TMEM232: variants seen among roughly 807,000 people sequenced by gnomAD.
The protein encoded by TMEM232 is transmembrane protein 232.
TMEM232 carries 80 observed loss-of-function variants against 78.8 expected under a neutral mutation model. That is an observed-to-expected ratio of 1.01 (90% CI 0.85 to 1.22). TMEM232 has a LOEUF of 1.22. Among genes scored for constraint, TMEM232 ranks in the 50% most tolerant of loss-of-function variants. TMEM232 has a pLI of 0.00. For synonymous variants in TMEM232, 297 were observed against 254.3 expected, an observed-to-expected ratio of 1.17 and a Z score of -1.60; for missense variants, 881 against 742.2, an observed-to-expected ratio of 1.19 and a Z score of -2.17.
upstream of TMEM232, among the ~76,000 whole-genome samples, chr5:110,728,964 A>G (rs1007188522): frequency 6.6e-6 from 1 of 151,460 alleles, no homozygotes; most frequent in East Asian, 1.9e-4. Flanking sequence ...AGCTCATTGC[A>G]ACCTCCACCT....
intron 13 of TMEM232, among the ~76,000 whole-genome samples, chr5:110,424,546 T>G (rs1410902740): frequency 3.3e-5 from 5 of 152,162 alleles, no homozygotes; most frequent in African/African-American, 1.2e-4. Context: ...TGTTCAGTGT[T>G]CAATATAAGA....
intron 1 of TMEM232, chr5:110,735,147 A>G (rs1450309863): frequency 6.6e-6 from 1 of 152,240 alleles, no homozygotes; most frequent in African/African-American, 2.4e-5. Context: ...TTTTTATTTT[A>G]TCCTGTGAGC....
chr5:110,548,301 CAG>C (rs1185864290), intron 11 of TMEM232, among the ~76,000 whole-genome samples: 3 of 149,818 alleles, frequency 2.0e-5, no homozygotes, highest in Admixed American at 2.0e-4. Context: ...AAATGCTAAA[CAG>C]AATTGCATAA....
At chr5:110,583,964 A>G (rs1778499425) in intron 10 of TMEM232, among the ~76,000 whole-genome samples, 1 of 134,098 alleles carries the variant, frequency 7.5e-6, no homozygotes, top group Non-Finnish European at 1.6e-5. Flanking sequence ...AATATCTATT[A>G]TCAAAAAAAA....
chr5:110,509,208 C>A (rs1360135737), intron 12 of TMEM232, among the ~76,000 whole-genome samples: 1 of 151,016 alleles, frequency 6.6e-6, no homozygotes, highest in Admixed American at 6.6e-5. Context: ...GGTGGGAGGA[C>A]CAGTTGAGGC....
intron 2 of TMEM232, among the ~76,000 whole-genome samples, chr5:110,401,948 T>G (rs532930673): frequency 1.8e-3 from 267 of 152,204 alleles, no homozygotes; most frequent in African/African-American, 6.0e-3. Context: ...TTCTATTGTT[T>G]CTTTGAGAAC....
chr5:110,415,174 CTA>C (rs1397881148), downstream of TMEM232, among the ~76,000 whole-genome samples: 270 of 129,712 alleles, frequency 2.1e-3, no homozygotes, highest in African/African-American at 0.01. Flanking sequence ...ACCCTTAAAT[CTA>C]TCTTTCTCTC....
intron 13 of TMEM232, among the ~76,000 whole-genome samples, chr5:110,421,108 C>T: frequency 6.6e-6 from 1 of 151,036 alleles, no homozygotes; most frequent in East Asian, 1.9e-4. Flanking sequence ...GAGATGAAAG[C>T]AAAACAGAAA....
chr5:110,391,676 C>A (rs369145981), intron 3 of TMEM232, among the ~76,000 whole-genome samples: 1 of 151,994 alleles, frequency 6.6e-6, no homozygotes, highest in East Asian at 1.9e-4. Flanking sequence ...TTGTACATAT[C>A]GTATTTTCTT....
At chr5:110,733,903 A>G (rs966011811) in intron 2 of TMEM232, among the ~76,000 whole-genome samples, 2 of 152,236 alleles carry the variant, frequency 1.3e-5, no homozygotes, top group African/African-American at 4.8e-5. Context: ...GTAGAGGTTA[A>G]AGAAGATAAA....
intron 12 of TMEM232, among the ~76,000 whole-genome samples, chr5:110,506,637 A>G (rs935487507): frequency 6.6e-5 from 10 of 152,172 alleles, no homozygotes; most frequent in African/African-American, 2.2e-4. Flanking sequence ...TGTAACATAT[A>G]GCTACAATTA....
rs1445584754 is a variant in TMEM232, at chr5:110,420,554, T to C, written c.*26A>G. 1.0e-5 allele frequency: 14 copies of C among 1,398,558 alleles called. No homozygotes were observed. The highest frequency in any genetic ancestry group is 1.5e-5 in the African/African-American group (1 of 66,166). 86.6% of individuals were successfully genotyped at this position (1,398,558 alleles called of 1,614,324 possible). The stretch of plus-strand genomic sequence containing the variant: ...TATTTCTGCCATGTAGTCCTCAATT[T>C]TGGGAGGTGACATTTTCTTTTCTAA... On this transcript the variant is annotated 3_prime_UTR_variant, in exon 14 of 14. Coordinates refer to ENST00000455884, the MANE Select transcript of TMEM232 (RefSeq NM_001039763.4).
intron 11 of TMEM232, among the ~76,000 whole-genome samples, chr5:110,559,861 T>C (rs1488882477): frequency 6.6e-6 from 1 of 152,184 alleles, no homozygotes; most frequent in Non-Finnish European, 1.5e-5. Flanking sequence ...TTCTAGCTTC[T>C]AGTGATGGCT....
At chr5:110,569,065 C>T (rs1181963972) in intron 10 of TMEM232, among the ~76,000 whole-genome samples, 1 of 151,476 alleles carries the variant, frequency 6.6e-6, no homozygotes, top group African/African-American at 2.4e-5. Context: ...GGTATTTGAA[C>T]CAAGAAGAAA....
chr5:110,605,419 C>T (rs1781425473), intron 9 of TMEM232, 61 bp from the exon 10 acceptor site: 2 of 1,464,390 alleles, frequency 1.4e-6, no homozygotes, highest in Non-Finnish European at 1.8e-6. Context: ...AATAACTACA[C>T]AGTGTACTTA....
intron 10 of TMEM232, among the ~76,000 whole-genome samples, chr5:110,603,465 G>A (rs756784625): frequency 6.6e-6 from 1 of 152,050 alleles, no homozygotes; most frequent in East Asian, 1.9e-4. Context: ...TCTTCCCATG[G>A]AGGGCCTTTT....
At chr5:110,546,159 T>C (rs1773753543) in intron 11 of TMEM232, among the ~76,000 whole-genome samples, 1 of 152,016 alleles carries the variant, frequency 6.6e-6, no homozygotes, top group Non-Finnish European at 1.5e-5. Flanking sequence ...CATCAAATTT[T>C]ATGAACAAAT....
intron 11 of TMEM232, among the ~76,000 whole-genome samples, chr5:110,548,070 A>C (rs10478014): frequency 0.044 from 6,645 of 151,274 alleles, 521 homozygotes; most frequent in African/African-American, 0.15. Flanking sequence ...GCAGAGGCTC[A>C]CTGAAAGGCT....
chr5:110,609,662 A>C (rs1781948319), intron 8 of TMEM232, among the ~76,000 whole-genome samples: 1 of 152,112 alleles, frequency 6.6e-6, no homozygotes, highest in African/African-American at 2.4e-5. Context: ...CCTCACAGGT[A>C]AACTATCCAA....
Sources: allele counts gnomAD v4.1 joint callset (sites outside exome capture counted in the v4.1 genomes callset), GRCh38; gene constraint gnomAD v4.1.1; transcripts MANE v1.5; gene names NCBI Gene and HGNC (gene_info 2026-07-23, HGNC 2026-07-21).